KLF12: variants seen among roughly 807,000 people sequenced by gnomAD.
KLF12 encodes the protein KLF transcription factor 12.
A neutral mutation model predicts 37.8 loss-of-function variants in KLF12; 9 were observed. That is an observed-to-expected ratio of 0.24 (90% CI 0.14 to 0.42). The LOEUF is 0.42. Among genes scored for constraint, KLF12 ranks in the 10% least tolerant of loss-of-function variants. The pLI is 1.00. For synonymous variants in KLF12, 208 were observed against 202.1 expected, an observed-to-expected ratio of 1.03 and a Z score of -0.25; for missense variants, 411 against 516.0, an observed-to-expected ratio of 0.80 and a Z score of 1.97.
At chr13:74,269,087 T>C in the KLF12 span, among the ~76,000 whole-genome samples, 1 of 152,290 alleles carries the variant, frequency 6.6e-6, no homozygotes, top group East Asian at 1.9e-4. Context: ...TTTAGTCATA[T>C]ACAGCAGGAT....
intron 6 of KLF12, among the ~76,000 whole-genome samples, chr13:73,716,757 T>C (rs1875842717): frequency 6.6e-6 from 1 of 152,198 alleles, no homozygotes; most frequent in East Asian, 1.9e-4. Flanking sequence ...CTTTTTTTAA[T>C]TCAACATTTA....
chr13:73,723,949 A>G (rs550507644), intron 6 of KLF12, among the ~76,000 whole-genome samples: 1 of 152,322 alleles, frequency 6.6e-6, no homozygotes, highest in South Asian at 2.1e-4. Flanking sequence ...GTGGGAGTGC[A>G]AATTAGTTCA....
At chr13:73,909,147 C>A (rs1295083436) in intron 3 of KLF12, among the ~76,000 whole-genome samples, 2 of 152,176 alleles carry the variant, frequency 1.3e-5, no homozygotes, top group Non-Finnish European at 2.9e-5. Flanking sequence ...ATTACAAAAT[C>A]TTTTGAAGGT....
At chr13:74,167,231 A>G in the KLF12 span, among the ~76,000 whole-genome samples, 1 of 152,240 alleles carries the variant, frequency 6.6e-6, no homozygotes, top group African/African-American at 2.4e-5. Context: ...GCATAATTTA[A>G]CTAGCTTCCA....
intron 5 of KLF12, among the ~76,000 whole-genome samples, chr13:73,792,237 A>AT (rs1881728203): frequency 6.6e-6 from 1 of 152,158 alleles, no homozygotes; most frequent in Non-Finnish European, 1.5e-5. Context: ...CTAGAGGGAG[A>AT]TTTTTTACAA....
chr13:74,238,854 G>A, the KLF12 span, among the ~76,000 whole-genome samples: 5 of 151,912 alleles, frequency 3.3e-5, no homozygotes, highest in African/African-American at 4.8e-5. Flanking sequence ...AGTCTTGCTA[G>A]CGGTCTGTCA....
intron 1 of KLF12, among the ~76,000 whole-genome samples, chr13:74,115,300 T>C (rs1345854486): frequency 6.6e-6 from 1 of 152,234 alleles, no homozygotes; most frequent in Non-Finnish European, 1.5e-5. Flanking sequence ...TAATTTCCTG[T>C]GGCTGCCCTA....
chr13:73,777,333 C>A (rs1880670698), intron 5 of KLF12, among the ~76,000 whole-genome samples: 1 of 152,202 alleles, frequency 6.6e-6, no homozygotes, highest in Non-Finnish European at 1.5e-5. Context: ...CTTGATGATG[C>A]AATCGATGTT....
At chr13:74,037,096 C>G (rs907976308) in intron 1 of KLF12, among the ~76,000 whole-genome samples, 3 of 150,600 alleles carry the variant, frequency 2.0e-5, no homozygotes, top group Non-Finnish European at 4.4e-5. Flanking sequence ...CTCAGCTATT[C>G]GGGAGGCTGA....
At chr13:73,721,075 G>A (rs1264106820) in intron 6 of KLF12, among the ~76,000 whole-genome samples, 4 of 152,224 alleles carry the variant, frequency 2.6e-5, no homozygotes. Flanking sequence ...CTTAGTGGGT[G>A]TCAGGCACCG....
chr13:73,983,228 A>T (rs758768892), intron 2 of KLF12, among the ~76,000 whole-genome samples: 2 of 152,144 alleles, frequency 1.3e-5, no homozygotes, highest in African/African-American at 4.8e-5. Context: ...ACGCCAGGCA[A>T]CCAACCCTGG....
Position 73,777,708 on chromosome 13 carries a change from C to CA in KLF12, c.807-12709dup, listed in dbSNP as rs111696965. On this transcript the variant is annotated intron_variant, in intron 5 of 7. Coordinates refer to ENST00000377669, the MANE Select transcript of KLF12 (RefSeq NM_007249.5). Reference sequence around the variant, plus strand: ...GGGCAACAAGAATGAAACTCCATTTCAAAAAAAAAAGAAAAAAAAAAGAAT... The same window carrying CA: ...GGGCAACAAGAATGAAACTCCATTTCAAAAAAAAAAAGAAAAAAAAAAGAAT... Among the ~76,000 whole-genome samples the CA allele has an allele frequency of 2.0e-3, 232 of 115,912 alleles. 2 individuals carry two copies. Among genetic ancestry groups the CA allele is most frequent in the African/African-American group, 5.0e-3 (155 of 31,282 alleles). 76.0% of individuals were successfully genotyped at this position (115,912 alleles called of 152,430 possible).
chr13:73,711,543 G>A (rs1042399773), intron 7 of KLF12, among the ~76,000 whole-genome samples: 1 of 152,254 alleles, frequency 6.6e-6, no homozygotes, highest in African/African-American at 2.4e-5. Context: ...CTGTATAAAT[G>A]TAACAACAAA....
At chr13:74,135,298 T>C (rs951546392), upstream of KLF12, among the ~76,000 whole-genome samples, 14 of 151,482 alleles carry the variant, frequency 9.2e-5, no homozygotes, top group Admixed American at 2.6e-4. Context: ...GGAAGCGGGA[T>C]CTGCAGACCC....
chr13:73,896,453 C>CCCTG (rs1887775045), intron 3 of KLF12, among the ~76,000 whole-genome samples: 2 of 152,054 alleles, frequency 1.3e-5, no homozygotes, highest in African/African-American at 2.4e-5. Flanking sequence ...GATGGATGAA[C>CCCTG]CCTGCTACAG....
chr13:73,935,056 T>G (rs1889867477), intron 3 of KLF12, among the ~76,000 whole-genome samples: 1 of 152,008 alleles, frequency 6.6e-6, no homozygotes, highest in African/African-American at 2.4e-5. Context: ...CTCAACTTAT[T>G]GCACCCTCCA....
intron 1 of KLF12, among the ~76,000 whole-genome samples, chr13:74,064,353 A>G (rs1873783692): frequency 6.6e-6 from 1 of 152,240 alleles, no homozygotes; most frequent in African/African-American, 2.4e-5. Flanking sequence ...CAGGTATTAC[A>G]TATGATTTTC....
chr13:74,096,795 C>T (rs1876011300), intron 1 of KLF12, among the ~76,000 whole-genome samples: 1 of 152,146 alleles, frequency 6.6e-6, no homozygotes, highest in Non-Finnish European at 1.5e-5. Context: ...ATTTCTCAGA[C>T]TGCATCTCCT....
intron 6 of KLF12, among the ~76,000 whole-genome samples, chr13:73,739,272 A>C (rs1028130843): frequency 2.0e-5 from 3 of 146,816 alleles, no homozygotes; most frequent in Non-Finnish European, 4.5e-5. Context: ...TAATAATAAT[A>C]ATAAATGTAC....
Sources: gnomAD v4.1 joint callset for allele counts (sites outside exome capture counted in the v4.1 genomes callset) on GRCh38, gnomAD v4.1.1 for gene constraint, MANE v1.5 for transcripts, NCBI Gene and HGNC (gene_info 2026-07-23, HGNC 2026-07-21) for gene names.